The following HBS1L variants were observed in gnomAD, a reference collection of about 807,000 sequenced individuals.
HBS1L encodes the protein HBS1-like protein.
In HBS1L, 55 loss-of-function variants were observed where a neutral mutation model predicts 88.9. That is an observed-to-expected ratio of 0.62 (90% CI 0.50 to 0.77). HBS1L has a LOEUF of 0.77. HBS1L is among the 30% of genes least tolerant of loss of function. HBS1L has a pLI of 0.00. For missense variants in HBS1L, 741 were observed against 829.3 expected (o/e 0.89, Z 1.31); for synonymous variants, 267 against 288.5 (o/e 0.93, Z 0.76).
intron 4 of HBS1L, among the ~76,000 whole-genome samples, chr6:135,022,207 T>A (rs1423984824): frequency 6.6e-6 from 1 of 152,056 alleles, no homozygotes; most frequent in African/African-American, 2.4e-5. Flanking sequence ...CTTAGTAATA[T>A]CTAGCACATT....
intron 4 of HBS1L, among the ~76,000 whole-genome samples, chr6:135,033,880 T>G (rs1050677594): frequency 3.3e-5 from 5 of 152,204 alleles, no homozygotes; most frequent in African/African-American, 4.8e-5. Flanking sequence ...CTCTTATAAT[T>G]CAATTAATTC....
rs540664818 is a variant in HBS1L at position 134,997,436 on chromosome 6, G to A, written c.760C>T (p.Arg254Trp). ...TTGAGTAGCTGCTTCCCTCCTTGCC[G>A]CTTCTCCAGTTCCGCCTTCACATCT... is the stretch of plus-strand genomic sequence containing the variant. The part of the protein sequence containing the change: ...QIDVKAELEK[R>W]QGGKQLLNLV... Residue 254 changes from arginine to tryptophan, a missense_variant, in exon 6 of 18, where the codon CGG (arginine) becomes TGG (tryptophan). Arg to Trp is a moderately radical substitution (Grantham distance 101). Coordinates refer to ENST00000367837, the MANE Select transcript of HBS1L (RefSeq NM_006620.4). 3.7e-6 allele frequency: 6 copies of A among 1,613,924 alleles called. No individual in the cohort carries two copies. The highest frequency in any genetic ancestry group is 2.2e-5 in the East Asian group (1 of 44,870).
intron 4 of HBS1L, among the ~76,000 whole-genome samples, chr6:135,006,796 C>T (rs1775625659): frequency 6.6e-6 from 1 of 151,764 alleles, no homozygotes; most frequent in South Asian, 2.1e-4. Flanking sequence ...ATGATGATGA[C>T]GATGATGGGG....
intron 4 of HBS1L, among the ~76,000 whole-genome samples, chr6:135,007,845 C>A (rs1425398068): frequency 6.6e-6 from 1 of 152,162 alleles, no homozygotes; most frequent in Non-Finnish European, 1.5e-5. Context: ...TTCAGTAAGT[C>A]CCAAAATATG....
chr6:135,038,617 C>G (rs962963827), intron 4 of HBS1L, among the ~76,000 whole-genome samples: 1 of 152,118 alleles, frequency 6.6e-6, no homozygotes, highest in Admixed American at 6.5e-5. Context: ...AAAAATTTAG[C>G]CCAGAGGTTA....
chr6:134,973,298 T>C (rs1391980153), intron 15 of HBS1L, among the ~76,000 whole-genome samples: 3 of 152,164 alleles, frequency 2.0e-5, no homozygotes, highest in African/African-American at 7.2e-5. Flanking sequence ...TATTACAACA[T>C]GGACAAACCA....
Position 135,041,988 on chromosome 6 carries a change from C to G in HBS1L, c.235+13G>C. 6.2e-7 allele frequency: 1 copy of G among 1,610,934 alleles called. No individual in the cohort carries two copies. ...TCACTTTCAGATAACAGATACACTA[C>G]TTTTTGCTATACCTTGATCAAATCC... On this transcript the variant is annotated intron_variant, in intron 3 of 17. Coordinates refer to ENST00000367837, the MANE Select transcript of HBS1L (RefSeq NM_006620.4).
At position 135,001,955 on chromosome 6, in the gene HBS1L, GA is replaced by G. The variant is rs545537882; in HGVS notation, c.539+778del. ...AACTTGGGAAAAGAGGAAAAAAAAGGAAAAAAAGTATATATATATAAAAATC... is the reference window on the plus strand; with the variant it reads ...AACTTGGGAAAAGAGGAAAAAAAAGGAAAAAAGTATATATATATAAAAATC... On this transcript the variant is annotated intron_variant, in intron 5 of 17. Transcript: ENST00000367837. Among the ~76,000 whole-genome samples, 1,168 of 150,962 alleles carry G rather than the reference GA, an allele frequency of 7.7e-3. 12 individuals carry two copies. The highest frequency in any genetic ancestry group is 0.027 in the African/African-American group (1,110 of 41,248).
rs895146068 is a variant in HBS1L, at chr6:135,039,693, C to T, written c.310G>A (p.Ala104Thr). The T allele has an allele frequency of 3.1e-6, 5 of 1,614,020 alleles. No homozygotes were observed. The highest frequency in any genetic ancestry group is 1.6e-4 in the Middle Eastern group (1 of 6,062). Residue 104 changes from alanine to threonine, a missense_variant, in exon 4 of 18, where the codon GCA (alanine) becomes ACA (threonine). By Grantham distance (58) the Ala-to-Thr change is moderately conservative. This residue lies in a region of HBS1L where 556 missense variants were observed against 598.4 expected (regional missense o/e 0.93). Transcript: ENST00000367837. Reference protein sequence around the residue: ...DAVPDEILIEAVLKNKFDVQK... With the variant: ...DAVPDEILIETVLKNKFDVQK... ...ACATCAAACTTGTTCTTCAGAACTG[C>T]TTCAATTAATATTTCATCTGGCACA... is the stretch of plus-strand genomic sequence containing the variant.
intron 8 of HBS1L, among the ~76,000 whole-genome samples, chr6:134,991,128 T>C (rs1012726932): frequency 3.3e-5 from 5 of 151,838 alleles, no homozygotes; most frequent in African/African-American, 1.2e-4. Context: ...TATTCTTTGG[T>C]AAATGCAATG....
chr6:135,037,450 T>C (rs1776590456), intron 4 of HBS1L: 2 of 1,549,854 alleles, frequency 1.3e-6, no homozygotes, highest in Middle Eastern at 1.7e-4. Flanking sequence ...ATTTAAATTA[T>C]CAACAGTCAT....
intron 4 of HBS1L, among the ~76,000 whole-genome samples, chr6:135,031,137 CAAAT>C: frequency 6.6e-6 from 1 of 151,994 alleles, no homozygotes; most frequent in African/African-American, 2.4e-5. Flanking sequence ...ATGTGCCTAA[CAAAT>C]AAAAGATATT....
chr6:134,982,819 C>T (rs1037948813), intron 12 of HBS1L: 4 of 252,438 alleles, frequency 1.6e-5, no homozygotes, highest in East Asian at 7.7e-5. Context: ...ATAATAAATA[C>T]GTAGTACCAG....
intron 4 of HBS1L, among the ~76,000 whole-genome samples, chr6:135,020,104 G>A (rs547394666): frequency 6.6e-6 from 1 of 150,540 alleles, no homozygotes; most frequent in East Asian, 1.9e-4. Flanking sequence ...ATGGAGAAAG[G>A]GGCAACAGGT....
intron 4 of HBS1L, chr6:135,036,465 C>A: frequency 3.7e-6 from 5 of 1,360,768 alleles, no homozygotes; most frequent in Non-Finnish European, 4.7e-6. Flanking sequence ...TCATAAAAAT[C>A]AGAATTTGAA....
intron 4 of HBS1L, chr6:135,036,506 TTTAA>T (rs1449968230): frequency 7.1e-7 from 1 of 1,406,032 alleles, no homozygotes. Context: ...CTCTGAAGAC[TTTAA>T]TTAAAAATAA....
At chr6:135,023,213 G>A (rs1776123877) in intron 4 of HBS1L, among the ~76,000 whole-genome samples, 1 of 152,120 alleles carries the variant, frequency 6.6e-6, no homozygotes, top group African/African-American at 2.4e-5. Context: ...GGGAGGCCGA[G>A]GCGGGCAGAT....
chr6:135,039,774 A>G lies in HBS1L; in HGVS notation c.236-7T>C. ...AGGCATGAATAAAGACGAGCTAGAAAAGACGACAATGGTCAAAAGCTATAC... is the reference window on the plus strand; with the variant it reads ...AGGCATGAATAAAGACGAGCTAGAAGAGACGACAATGGTCAAAAGCTATAC... On this transcript the variant is annotated splice_region_variant and splice_polypyrimidine_tract_variant and intron_variant, in intron 3 of 17. Coordinates refer to ENST00000367837, the MANE Select transcript of HBS1L (RefSeq NM_006620.4). The G allele has an allele frequency of 1.2e-6, 2 of 1,604,608 alleles. No individual in the cohort carries two copies. The highest frequency in any genetic ancestry group is 2.2e-5 in the East Asian group (1 of 44,772).
At chr6:135,003,248 T>C (rs972864825) in intron 4 of HBS1L, among the ~76,000 whole-genome samples, 1 of 152,218 alleles carries the variant, frequency 6.6e-6, no homozygotes, top group Non-Finnish European at 1.5e-5. Flanking sequence ...AAACTATTTT[T>C]AATCCTGCGA....
Sources: gnomAD v4.1 joint callset for allele counts (sites outside exome capture counted in the v4.1 genomes callset) on GRCh38, gnomAD v4.1.1 for gene constraint, gnomAD v4.1.1 regional missense constraint, MANE v1.5 for transcripts, NCBI Gene and HGNC (gene_info 2026-07-23, HGNC 2026-07-21) for gene names.